Variants in ATP8A1 observed in about 807,000 individuals in gnomAD.
ATP8A1 encodes phospholipid-transporting ATPase IA.
ATP8A1 carries 90 observed loss-of-function variants against 177.7 expected under a neutral mutation model. The ratio of observed to expected loss-of-function variants is 0.51; its 90% CI spans 0.43 to 0.60. The LOEUF (loss-of-function observed/expected upper bound fraction) is 0.60. Ranked by LOEUF, ATP8A1 falls within the 20% of genes least tolerant of loss-of-function variation. ATP8A1 has a pLI of 0.00. For missense variants in ATP8A1, 1,072 were observed against 1,392.8 expected, an observed-to-expected ratio of 0.77 and a Z score of 3.67; for synonymous variants, 493 against 485.9, an observed-to-expected ratio of 1.01 and a Z score of -0.19.
At chr4:42,534,652 C>G (rs560514210) in intron 20 of ATP8A1, among the ~76,000 whole-genome samples, 4 of 152,238 alleles carry the variant, frequency 2.6e-5, no homozygotes, top group South Asian at 4.2e-4. Flanking sequence ...ATACAAGAAA[C>G]TCAAAGAACA....
chr4:42,590,638 T>C (rs1734071161), intron 7 of ATP8A1, among the ~76,000 whole-genome samples, 173 bp downstream of exon 7: 1 of 152,176 alleles, frequency 6.6e-6, no homozygotes, highest in Non-Finnish European at 1.5e-5. Flanking sequence ...TCAGTCAACA[T>C]AGTATTCAAA....
intron 14 of ATP8A1, among the ~76,000 whole-genome samples, chr4:42,571,440 C>T (rs1731893252): frequency 6.6e-6 from 1 of 151,476 alleles, no homozygotes; most frequent in Admixed American, 6.6e-5. Context: ...TAAGCCTCAT[C>T]CAACTTATTC....
chr4:42,507,292 A>C, intron 22 of ATP8A1, 138 bp from the exon 23 acceptor site: 1 of 913,966 alleles, frequency 1.1e-6, no homozygotes, highest in Non-Finnish European at 1.6e-6. Context: ...CAACTATCCC[A>C]TTGAGTTTTC....
chr4:42,612,872 A>T (rs1736511948), intron 5 of ATP8A1, among the ~76,000 whole-genome samples: 1 of 152,168 alleles, frequency 6.6e-6, no homozygotes, highest in Admixed American at 6.5e-5. Flanking sequence ...TGCCTCACAT[A>T]AGGAGAGAAA....
intron 4 of ATP8A1, among the ~76,000 whole-genome samples, chr4:42,619,757 C>T (rs1302578577): frequency 6.6e-6 from 1 of 152,140 alleles, no homozygotes; most frequent in South Asian, 2.1e-4. Flanking sequence ...GACCAGTCTT[C>T]ACCAATATCC....
At position 42,409,384 on chromosome 4, in the gene ATP8A1, T is replaced by C. The variant is rs115646620; in HGVS notation, c.*3532A>G. ...AACTACGTTACACAAGTGACTTCAG[T>C]TATTTTAATGTGAGAAAAATCAGAC... On this transcript the variant is annotated 3_prime_UTR_variant, in exon 37 of 37. Coordinates refer to ENST00000381668, the MANE Select transcript of ATP8A1 (RefSeq NM_006095.2). 222 of 152,298 alleles carry C rather than the reference T, an allele frequency of 1.5e-3. 1 individual carries two copies. Among genetic ancestry groups the C allele is most frequent in the African/African-American group, 5.2e-3 (217 of 41,586 alleles). 9.4% of individuals were successfully genotyped at this position (152,298 alleles called of 1,614,324 possible).
intron 15 of ATP8A1, among the ~76,000 whole-genome samples, chr4:42,556,886 C>T (rs1169527172): frequency 1.3e-5 from 2 of 151,962 alleles, no homozygotes; most frequent in Non-Finnish European, 2.9e-5. Flanking sequence ...AAAATGTGTC[C>T]AATACTAAAC....
At chr4:42,527,635 A>G (rs555629597) in intron 20 of ATP8A1, among the ~76,000 whole-genome samples, 59 of 152,208 alleles carry the variant, frequency 3.9e-4, no homozygotes, top group Non-Finnish European at 6.2e-4. Flanking sequence ...TAACTAGACT[A>G]AAGTCCCAGC....
intron 33 of ATP8A1, among the ~76,000 whole-genome samples, chr4:42,429,501 T>C (rs144138355): frequency 4.2e-4 from 64 of 152,232 alleles, no homozygotes; most frequent in African/African-American, 1.4e-3. Flanking sequence ...AACACTTTGC[T>C]AAGTTAAAGA....
At chr4:42,536,775 A>G (rs1727869432) in intron 20 of ATP8A1, among the ~76,000 whole-genome samples, 1 of 152,234 alleles carries the variant, frequency 6.6e-6, no homozygotes, top group African/African-American at 2.4e-5. Context: ...CCAGGGATGC[A>G]GAGATGGTTT....
intron 33 of ATP8A1, among the ~76,000 whole-genome samples, chr4:42,428,273 C>G (rs1208862613): frequency 6.6e-6 from 1 of 152,214 alleles, no homozygotes; most frequent in Non-Finnish European, 1.5e-5. Flanking sequence ...ACAGGCTAGA[C>G]TACTGAGCTC....
chr4:42,463,721 T>C (rs1035942147), intron 27 of ATP8A1, among the ~76,000 whole-genome samples: 2 of 152,202 alleles, frequency 1.3e-5, no homozygotes, highest in African/African-American at 2.4e-5. Context: ...GATGTTATGT[T>C]TGACACATAA....
At chr4:42,529,108 T>G (rs942035841) in intron 20 of ATP8A1, among the ~76,000 whole-genome samples, 14 of 152,172 alleles carry the variant, frequency 9.2e-5, no homozygotes, top group African/African-American at 3.4e-4. Flanking sequence ...TGGACCCCAG[T>G]TTTGAGTGGG....
intron 18 of ATP8A1, among the ~76,000 whole-genome samples, chr4:42,550,042 C>A (rs1338222764): frequency 2.0e-5 from 3 of 152,124 alleles, no homozygotes; most frequent in Non-Finnish European, 2.9e-5. Flanking sequence ...ATAAAATATT[C>A]CCATCCTATA....
intron 22 of ATP8A1, among the ~76,000 whole-genome samples, chr4:42,514,620 C>T (rs747343367): frequency 1.8e-4 from 28 of 152,142 alleles, no homozygotes; most frequent in Non-Finnish European, 3.5e-4. Context: ...AGTGATTATG[C>T]AACTGCACAA....
At chr4:42,559,793 C>T (rs1360151041) in intron 15 of ATP8A1, among the ~76,000 whole-genome samples, 1 of 152,184 alleles carries the variant, frequency 6.6e-6, no homozygotes, top group Admixed American at 6.5e-5. Flanking sequence ...GCAACCTCCA[C>T]CTCCTGGGTT....
intron 33 of ATP8A1, among the ~76,000 whole-genome samples, chr4:42,425,262 A>G (rs902877098): frequency 2.6e-5 from 4 of 152,076 alleles, no homozygotes; most frequent in African/African-American, 9.7e-5. Flanking sequence ...TCTTGCCTTC[A>G]CCACCTTGTA....
chr4:42,494,742 A>C (rs1723095518), intron 24 of ATP8A1, among the ~76,000 whole-genome samples: 1 of 152,214 alleles, frequency 6.6e-6, no homozygotes, highest in Non-Finnish European at 1.5e-5. Context: ...AAATAATTGG[A>C]AAGTTATAAA....
intron 1 of ATP8A1, among the ~76,000 whole-genome samples, chr4:42,636,702 C>A (rs566596835): frequency 6.6e-6 from 1 of 152,108 alleles, no homozygotes; most frequent in East Asian, 1.9e-4. Flanking sequence ...CTTTCCAGCT[C>A]GGCATCTGCT....
Sources: allele counts gnomAD v4.1 joint callset (sites outside exome capture counted in the v4.1 genomes callset), GRCh38; gene constraint gnomAD v4.1.1; transcripts MANE v1.5; gene names NCBI Gene and HGNC (gene_info 2026-07-23, HGNC 2026-07-21).